Variants in PIK3C2G observed in about 807,000 individuals in gnomAD.
The protein encoded by PIK3C2G is phosphatidylinositol 3-kinase C2 domain-containing subunit gamma.
A neutral mutation model predicts 181.1 loss-of-function variants in PIK3C2G; 168 were observed. The ratio of observed to expected loss-of-function variants is 0.93; its 90% confidence interval spans 0.82 to 1.05. The LOEUF is 1.05. Ranked by LOEUF, PIK3C2G falls within the 50% of genes least tolerant of loss-of-function variation. The pLI, the probability that PIK3C2G is intolerant of heterozygous loss-of-function variation, is 0.00. For synonymous variants in PIK3C2G, 573 were observed against 592.2 expected (o/e 0.97, Z 0.47); for missense variants, 1,869 against 1,732.8 (o/e 1.08, Z -1.40).
chr12:18,511,083 T>A (rs1942177006), intron 24 of PIK3C2G, among the ~76,000 whole-genome samples: 1 of 53,780 alleles, frequency 1.9e-5, no homozygotes, highest in Non-Finnish European at 3.7e-5. Flanking sequence ...GATCATGTGA[T>A]TTTTTCTGTG....
chr12:18,671,794 T>C, the PIK3C2G span, among the ~76,000 whole-genome samples: 2 of 152,128 alleles, frequency 1.3e-5, no homozygotes, highest in Non-Finnish European at 2.9e-5. Context: ...ATATCATCCA[T>C]GGAGGGGCTA....
At chr12:18,247,708 T>C (rs1948054287) in exon 1 of PIK3C2G, 1 of 152,188 alleles carries the variant, frequency 6.6e-6, no homozygotes, top group Non-Finnish European at 1.5e-5. Flanking sequence ...CTGCTTCTTA[T>C]TGTACATATG....
chr12:18,394,678 T>A lies in PIK3C2G; in HGVS notation c.2126+3426T>A, dbSNP rs534626065. Among the ~76,000 whole-genome samples the A allele has an allele frequency of 2.0e-5, 3 of 152,030 alleles. No homozygotes were observed. In the East Asian group the frequency reaches 5.8e-4, roughly 29 times the overall value. ...TTGTTTAAAAAATCAGCAAATGGGCTTAATAGATTGTGAAATGCAAGAAAA... is the reference window on the plus strand; with the variant it reads ...TTGTTTAAAAAATCAGCAAATGGGCATAATAGATTGTGAAATGCAAGAAAA... On this transcript the variant is annotated intron_variant, in intron 15 of 32. Transcript: ENST00000538779.
downstream of PIK3C2G, among the ~76,000 whole-genome samples, chr12:18,652,754 T>C (rs927248855): frequency 6.6e-6 from 1 of 152,164 alleles, no homozygotes; most frequent in East Asian, 1.9e-4. Flanking sequence ...TTTACATGTA[T>C]ATTTTATTTG....
intron 14 of PIK3C2G, among the ~76,000 whole-genome samples, chr12:18,385,531 T>C (rs554281189): frequency 2.0e-4 from 30 of 152,248 alleles, no homozygotes; most frequent in African/African-American, 4.6e-4. Flanking sequence ...AGCTGTTTCA[T>C]AGAATTCATG....
chr12:18,431,138 A>C (rs182314982), intron 18 of PIK3C2G, among the ~76,000 whole-genome samples: 12 of 152,140 alleles, frequency 7.9e-5, no homozygotes, highest in Non-Finnish European at 1.5e-4. Context: ...TCTCATTTGC[A>C]AGTCACTCCT....
chr12:18,325,132 G>A (rs775359894), intron 8 of PIK3C2G, 34 bp downstream of exon 8: 9 of 1,265,624 alleles, frequency 7.1e-6, no homozygotes, highest in East Asian at 7.0e-5. Context: ...CATCAATTCA[G>A]TAAGCGTTTT....
rs115077290 is a variant in PIK3C2G at position 18,429,543 on chromosome 12, T to C, written c.2504+5504T>C. The stretch of plus-strand genomic sequence containing the variant: ...TGTCAAACAGCATACTGTTCATGAC[T>C]CTGCCAGACATCATATCACACTCCC... On this transcript the variant is annotated intron_variant, in intron 18 of 32. Coordinates refer to ENST00000538779, the MANE Select transcript of PIK3C2G (RefSeq NM_001288772.2). Among the ~76,000 whole-genome samples the C allele has an allele frequency of 7.6e-3, 1,156 of 152,194 alleles. 14 individuals carry two copies. The highest frequency in any genetic ancestry group is 0.026 in the African/African-American group (1,100 of 41,512).
chr12:18,431,275 A>G (rs1466488112), intron 18 of PIK3C2G, among the ~76,000 whole-genome samples: 2 of 152,154 alleles, frequency 1.3e-5, no homozygotes, highest in East Asian at 3.9e-4. Context: ...GAGATGATGG[A>G]CACTGTTGAA....
chr12:18,505,965 AG>A (rs1273936142), intron 24 of PIK3C2G, among the ~76,000 whole-genome samples: 1 of 152,240 alleles, frequency 6.6e-6, no homozygotes, highest in East Asian at 1.9e-4. Context: ...TCTTTCTAGT[AG>A]GGGTGACAGA....
At chr12:18,703,679 A>T in the PIK3C2G span, among the ~76,000 whole-genome samples, 1 of 152,226 alleles carries the variant, frequency 6.6e-6, no homozygotes, top group Non-Finnish European at 1.5e-5. Flanking sequence ...TGTGTGGAAA[A>T]TACTGTAATT....
chr12:18,398,996 C>A (rs1944060545), intron 15 of PIK3C2G, among the ~76,000 whole-genome samples: 1 of 151,430 alleles, frequency 6.6e-6, no homozygotes, highest in African/African-American at 2.4e-5. Flanking sequence ...GAGATCGAGA[C>A]CATCCCGGCT....
At chr12:18,399,982 T>C (rs1944153937) in intron 16 of PIK3C2G, 135 bp downstream of exon 16, 2 of 473,932 alleles carry the variant, frequency 4.2e-6, no homozygotes, top group East Asian at 6.6e-5. Flanking sequence ...TAATTTTAGA[T>C]AAATGTAAGC....
intron 26 of PIK3C2G, among the ~76,000 whole-genome samples, chr12:18,547,703 G>C (rs1944506700): frequency 6.6e-6 from 1 of 151,760 alleles, no homozygotes; most frequent in South Asian, 2.1e-4. Context: ...GTTCATTAGA[G>C]ATCCCTTAAG....
chr12:18,255,638 G>A (rs555268528), intron 1 of PIK3C2G, among the ~76,000 whole-genome samples: 123 of 152,282 alleles, frequency 8.1e-4, no homozygotes, highest in African/African-American at 2.9e-3. Context: ...AGAATAATCA[G>A]GCATCGTTCC....
intron 24 of PIK3C2G, among the ~76,000 whole-genome samples, chr12:18,511,881 A>C (rs1045978516): frequency 6.6e-6 from 1 of 152,080 alleles, no homozygotes; most frequent in African/African-American, 2.4e-5. Context: ...TTATCCAAAA[A>C]AAATTGCTGA....
chr12:18,580,252 CT>C (rs1946431229), intron 29 of PIK3C2G, among the ~76,000 whole-genome samples: 1 of 152,046 alleles, frequency 6.6e-6, no homozygotes, highest in Non-Finnish European at 1.5e-5. Flanking sequence ...ATTCAAACAG[CT>C]GTTGTTTTTA....
chr12:18,724,283 G>A, the PIK3C2G span, among the ~76,000 whole-genome samples: 6 of 152,120 alleles, frequency 3.9e-5, no homozygotes, highest in Admixed American at 1.3e-4. Flanking sequence ...GTGAAATGAC[G>A]AAGGAAGAAT....
At chr12:18,462,146 C>T (rs1446178045) in intron 18 of PIK3C2G, among the ~76,000 whole-genome samples, 2 of 152,126 alleles carry the variant, frequency 1.3e-5, no homozygotes, top group Non-Finnish European at 2.9e-5. Context: ...AGAATGCAGA[C>T]ATTATGAGTG....
Sources: gnomAD v4.1 joint callset for allele counts (sites outside exome capture counted in the v4.1 genomes callset) on GRCh38, gnomAD v4.1.1 for gene constraint, MANE v1.5 for transcripts, NCBI Gene and HGNC (gene_info 2026-07-23, HGNC 2026-07-21) for gene names.